Variants in MALRD1 observed in about 807,000 individuals in gnomAD.
MALRD1 encodes MAM and LDL receptor class A domain containing 1.
In MALRD1, 247 loss-of-function variants were observed where a neutral mutation model predicts 242.1. The ratio of observed to expected loss-of-function variants is 1.02; its 90% CI spans 0.92 to 1.13. MALRD1 has a LOEUF of 1.13. Among genes scored for constraint, MALRD1 ranks in the 50% most tolerant of loss-of-function variants. The pLI, the probability that MALRD1 is intolerant of heterozygous loss-of-function variation, is 0.00. For synonymous variants in MALRD1, 995 were observed against 866.6 expected (o/e 1.15, Z -2.60); for missense variants, 2,989 against 2,533.1 (o/e 1.18, Z -3.86).
intron 31 of MALRD1, among the ~76,000 whole-genome samples, chr10:19,509,139 A>G (rs1175106130): frequency 6.6e-6 from 1 of 152,204 alleles, no homozygotes; most frequent in Non-Finnish European, 1.5e-5. Flanking sequence ...AAACATTATT[A>G]AAAGAAGAAT....
chr10:19,338,438 A>G (rs187308360), intron 24 of MALRD1, among the ~76,000 whole-genome samples: 7 of 147,070 alleles, frequency 4.8e-5, no homozygotes, highest in Admixed American at 4.0e-4. Context: ...AGCCTTTTCA[A>G]ATTTCCTTTT....
intron 10 of MALRD1, among the ~76,000 whole-genome samples, chr10:19,138,848 T>C (rs1343052149): frequency 2.6e-5 from 4 of 152,268 alleles, no homozygotes; most frequent in African/African-American, 9.6e-5. Flanking sequence ...TATTGAAGTT[T>C]CATTGATTAT....
intron 13 of MALRD1, among the ~76,000 whole-genome samples, chr10:19,166,414 G>A (rs1382751921): frequency 6.6e-6 from 1 of 152,168 alleles, no homozygotes; most frequent in Non-Finnish European, 1.5e-5. Context: ...GTGGTTACTA[G>A]AGGCTGAGAA....
intron 31 of MALRD1, among the ~76,000 whole-genome samples, chr10:19,512,623 G>A (rs1250939872): frequency 1.3e-5 from 2 of 152,130 alleles, no homozygotes; most frequent in African/African-American, 2.4e-5. Flanking sequence ...TGTCTAACCA[G>A]GAAACATACA....
intron 36 of MALRD1, among the ~76,000 whole-genome samples, chr10:19,657,667 C>T (rs1362354942): frequency 1.3e-5 from 2 of 151,962 alleles, no homozygotes; most frequent in African/African-American, 2.4e-5. Flanking sequence ...GTATCCATCA[C>T]CTCAAGCATT....
At chr10:19,127,365 G>A (rs899016018) in intron 7 of MALRD1, among the ~76,000 whole-genome samples, 17 of 152,232 alleles carry the variant, frequency 1.1e-4, no homozygotes, top group Non-Finnish European at 2.1e-4. Context: ...TTTACATTAC[G>A]TTTATGCAGT....
chr10:19,266,234 G>A (rs372892866), intron 19 of MALRD1, among the ~76,000 whole-genome samples: 6 of 151,678 alleles, frequency 4.0e-5, no homozygotes, highest in East Asian at 1.9e-4. Flanking sequence ...TAATAGGTAA[G>A]GACTTACTAT....
At chr10:19,323,895 G>A in intron 21 of MALRD1, 54 bp from the exon 22 acceptor site, 2 of 1,513,746 alleles carry the variant, frequency 1.3e-6, no homozygotes, top group Non-Finnish European at 1.8e-6. Context: ...ACAGGCGTGA[G>A]CCACCGTGCC....
chr10:19,634,455 A>G (rs1427988162), intron 36 of MALRD1, among the ~76,000 whole-genome samples: 1 of 152,152 alleles, frequency 6.6e-6, no homozygotes, highest in Non-Finnish European at 1.5e-5. Context: ...TTTACCCAAG[A>G]GTGATCAAGG....
At position 19,507,614 on chromosome 10, in the gene MALRD1, A is replaced by G. The variant is rs535881863; in HGVS notation, c.5320+8968A>G. 7.2e-5 allele frequency among the ~76,000 whole-genome samples: 11 copies of G among 152,300 alleles called. No homozygotes were observed. The South Asian group carries it at 2.3e-3, about 32-fold the overall frequency. ...TCTTCTTTAATATGAATTTTAAACA[A>G]TACATTGGAATTTATTGTGATGCCA... On this transcript the variant is annotated intron_variant, in intron 31 of 39. Coordinates refer to ENST00000454679, the MANE Select transcript of MALRD1 (RefSeq NM_001142308.3).
chr10:19,387,360 A>G (rs73593896), intron 26 of MALRD1, among the ~76,000 whole-genome samples, 168 bp from the exon 27 acceptor site: 3,150 of 151,048 alleles, frequency 0.021, 100 homozygotes, highest in African/African-American at 0.071. Flanking sequence ...TATAGGTTAG[A>G]GCTCTGGAGC....
intron 36 of MALRD1, among the ~76,000 whole-genome samples, chr10:19,625,754 G>GT (rs1448310485): frequency 3.9e-5 from 6 of 152,096 alleles, no homozygotes; most frequent in Admixed American, 3.9e-4. Flanking sequence ...ACTGAAGAAT[G>GT]TTTTTTAAAA....
chr10:19,142,685 A>G lies in MALRD1; in HGVS notation c.1412-3513A>G, dbSNP rs116223474. Among the ~76,000 whole-genome samples, 631 of 152,342 alleles carry G rather than the reference A, an allele frequency of 4.1e-3. 8 individuals are homozygous for G. Among genetic ancestry groups the G allele is most frequent in the African/African-American group, 0.014 (597 of 41,596 alleles). On this transcript the variant is annotated intron_variant, in intron 10 of 39. Coordinates refer to ENST00000454679, the MANE Select transcript of MALRD1 (RefSeq NM_001142308.3). Reference sequence around the variant, plus strand: ...TAAAGGCAACTAAGTAATCAAAATCATTGTTTTAATGAAAGTACTTTATTT... The same window carrying G: ...TAAAGGCAACTAAGTAATCAAAATCGTTGTTTTAATGAAAGTACTTTATTT...
chr10:19,052,190 T>A, intron 1 of MALRD1: 1 of 351,176 alleles, frequency 2.8e-6, no homozygotes, highest in South Asian at 2.4e-5. Context: ...ATTACAGCAA[T>A]TAATCAAAAA....
intron 18 of MALRD1, among the ~76,000 whole-genome samples, chr10:19,240,089 G>T (rs72788028): frequency 0.078 from 11,887 of 152,040 alleles, 604 homozygotes; most frequent in Non-Finnish European, 0.11. Context: ...CATTTTGTTA[G>T]TATGGTCATT....
intron 26 of MALRD1, among the ~76,000 whole-genome samples, chr10:19,365,285 G>T (rs1845056482): frequency 6.6e-6 from 1 of 151,984 alleles, no homozygotes; most frequent in Non-Finnish European, 1.5e-5. Flanking sequence ...TCTAAGAAAT[G>T]CTTTTAGTGA....
In MALRD1 at chr10:19,239,134, C is replaced by T. The variant is rs532309572; in HGVS notation, c.2992-18550C>T. Among the ~76,000 whole-genome samples, 8 of 151,640 alleles carry T rather than the reference C, an allele frequency of 5.3e-5. No homozygotes were observed. In the East Asian group the frequency reaches 5.9e-4, roughly 11 times the overall value. On this transcript the variant is annotated intron_variant, in intron 18 of 39. Transcript: ENST00000454679. ...AGTGCAGTGGTGCAGTCGGGGCTCA[C>T]GGCAACCTCCATCTCCCTGGTTCAA... is the stretch of plus-strand genomic sequence containing the variant.
chr10:19,304,668 G>C (rs762431353), intron 21 of MALRD1, among the ~76,000 whole-genome samples: 5 of 151,674 alleles, frequency 3.3e-5, no homozygotes, highest in Non-Finnish European at 7.4e-5. Flanking sequence ...GTTGATTTGT[G>C]TTTGAAAAAT....
chr10:19,164,689 C>T (rs996607753), intron 12 of MALRD1, among the ~76,000 whole-genome samples: 3 of 152,130 alleles, frequency 2.0e-5, no homozygotes, highest in African/African-American at 7.2e-5. Context: ...CCTCATACAG[C>T]TCCAGGTACT....
Sources: allele counts gnomAD v4.1 joint callset (sites outside exome capture counted in the v4.1 genomes callset), GRCh38; gene constraint gnomAD v4.1.1; transcripts MANE v1.5; gene names NCBI Gene and HGNC (gene_info 2026-07-23, HGNC 2026-07-21).